Variants in ROPN1B observed in about 807,000 individuals in gnomAD.
The protein encoded by ROPN1B is ropporin-1B.
A neutral mutation model predicts 23.7 loss-of-function variants in ROPN1B; 13 were observed. The observed-to-expected ratio is 0.55, with a 90% CI of 0.36 to 0.87. ROPN1B has a LOEUF of 0.87. Among genes scored for constraint, ROPN1B ranks in the 40% least tolerant of loss-of-function variants. ROPN1B has a pLI of 0.01. For missense variants in ROPN1B, 183 were observed against 249.2 expected (o/e 0.73, Z 1.79); for synonymous variants, 67 against 100.4 (o/e 0.67, Z 1.99).
intron 5 of ROPN1B, among the ~76,000 whole-genome samples, chr3:125,978,477 G>T (rs1291003782): frequency 2.0e-5 from 3 of 152,098 alleles, no homozygotes; most frequent in Non-Finnish European, 4.4e-5. Context: ...ACAGCCTAAA[G>T]GTACATTTCC....
chr3:125,972,263 G>GTTGTCAT (rs756081764), intron 3 of ROPN1B, 93 bp downstream of exon 3: 3 of 1,166,912 alleles, frequency 2.6e-6, no homozygotes, highest in Non-Finnish European at 3.8e-6. Context: ...TGCAGCCAGG[G>GTTGTCAT]GGTCGGGACT....
chr3:125,972,315 G>T, intron 3 of ROPN1B, 145 bp downstream of exon 3: 4 of 727,190 alleles, frequency 5.5e-6, no homozygotes, highest in Non-Finnish European at 9.2e-6. Flanking sequence ...TTGCTTTGAT[G>T]CTTTAAAATC....
intron 1 of ROPN1B, among the ~76,000 whole-genome samples, chr3:125,970,836 G>A (rs1159545058): frequency 1.3e-5 from 2 of 152,110 alleles, no homozygotes; most frequent in African/African-American, 4.8e-5. Context: ...CTTGTCTTGG[G>A]ATTTCCGAGC....
At chr3:125,970,095 T>C (rs1469437183) in intron 1 of ROPN1B, 1 of 150,260 alleles carries the variant, frequency 6.7e-6, no homozygotes, top group Non-Finnish European at 1.5e-5. Flanking sequence ...TGACCAGTCC[T>C]GCCGTGGAGT....
chr3:125,982,710 C>T (rs1294057428), intron 6 of ROPN1B, among the ~76,000 whole-genome samples: 1 of 152,220 alleles, frequency 6.6e-6, no homozygotes, highest in African/African-American at 2.4e-5. Context: ...TCTCAGGCTA[C>T]ACCCTAGACC....
At chr3:125,982,816 A>C (rs368398049) in intron 6 of ROPN1B, among the ~76,000 whole-genome samples, 2 of 152,144 alleles carry the variant, frequency 1.3e-5, no homozygotes, top group East Asian at 3.9e-4. Flanking sequence ...TGACCAGTGG[A>C]ACAGAAGTGG....
At chr3:125,975,407 T>C in intron 3 of ROPN1B, 156 bp from the exon 4 acceptor site, 2 of 585,834 alleles carry the variant, frequency 3.4e-6, no homozygotes. Flanking sequence ...ACTTTTCCCA[T>C]ATGTAAGTGA....
chr3:125,982,418 G>C lies in ROPN1B; in HGVS notation c.545G>C (p.Arg182Thr). 6.2e-7 allele frequency: 1 copy of C among 1,606,612 alleles called. No individual in the cohort carries two copies. ...GAGATCTGTGCATCACATGTCAGCA[G>C]GATGCTAAACTACATTGAACAGGAA... ...DGEICASHVS[R>T]MLNYIEQEVI... is the part of the protein sequence containing the mutation. Residue 182 changes from arginine to threonine, a missense_variant, in exon 6 of 7, where the codon AGG becomes ACG. Arg to Thr is a moderately conservative substitution (Grantham distance 71). Transcript: ENST00000514116.
chr3:125,975,604 G>A lies in ROPN1B; in HGVS notation c.158G>A (p.Arg53Lys). The change falls in exon 4 of 7, where the codon AGA (arginine) becomes AAA (lysine). Residue 53 changes from arginine (R) to lysine (K), a missense_variant. Arg to Lys is a conservative substitution (Grantham distance 26, BLOSUM62 2). Coordinates refer to ENST00000514116, the MANE Select transcript of ROPN1B (RefSeq NM_001308313.2). ...ALSRGETPPV[R>K]ERSERVALCN... The stretch of plus-strand genomic sequence containing the variant: ...TCCCGTGGAGAGACGCCTCCGGTGA[G>A]AGAGCGGTCTGAGCGAGTCGCTTTG... 2.5e-6 allele frequency: 4 copies of A among 1,614,160 alleles called. No homozygotes were observed. Among genetic ancestry groups the A allele is most frequent in the Non-Finnish European group, 3.4e-6 (4 of 1,180,014 alleles).
intron 5 of ROPN1B, among the ~76,000 whole-genome samples, chr3:125,981,635 C>T (rs1382987636): frequency 6.6e-6 from 1 of 152,146 alleles, no homozygotes; most frequent in Non-Finnish European, 1.5e-5. Context: ...TGTAGTAACC[C>T]TTCTGTTAAA....
rs1454814207 is a variant in ROPN1B at position 125,978,167 on chromosome 3, C to T, written c.396+1002C>T. Among the ~76,000 whole-genome samples, 3 of 152,072 alleles carry T rather than the reference C, an allele frequency of 2.0e-5. No individual in the cohort carries two copies. The East Asian group carries it at 5.8e-4, about 29-fold the overall frequency. ...TCATTGTCCTTTATAGCATTTATTA[C>T]TGAATAAATCACTATCCTCTGAGGA... On this transcript the variant is annotated intron_variant, in intron 5 of 6. Transcript: ENST00000514116.
At chr3:125,974,671 T>C (rs1259396043) in intron 3 of ROPN1B, among the ~76,000 whole-genome samples, 1 of 152,230 alleles carries the variant, frequency 6.6e-6, no homozygotes, top group Non-Finnish European at 1.5e-5. Flanking sequence ...TTTCATCTTA[T>C]GCCAGTCCTG....
intron 1 of ROPN1B, 140 bp from the exon 2 acceptor site, chr3:125,970,977 C>T (rs893742020): frequency 2.0e-5 from 3 of 153,640 alleles, no homozygotes; most frequent in African/African-American, 7.2e-5. Flanking sequence ...AGCCTGTAGG[C>T]AGATATTTTC....
chr3:125,981,989 A>G (rs1224465945), intron 5 of ROPN1B, among the ~76,000 whole-genome samples: 2 of 152,220 alleles, frequency 1.3e-5, no homozygotes, highest in South Asian at 4.1e-4. Context: ...GGGTATTCAG[A>G]CTAAAGTAAC....
rs1938245413 is a variant in ROPN1B, at chr3:125,972,333, AAAT to A, written c.116+165_116+167del. Reference sequence around the variant, plus strand: ...CTTTGATGCTTTAAAATCCACACATAAATACTACATCTAGCCGGGCAAGGATGG... The same window carrying A: ...CTTTGATGCTTTAAAATCCACACATAACTACATCTAGCCGGGCAAGGATGG... On this transcript the variant is annotated intron_variant, in intron 3 of 6. Coordinates refer to ENST00000514116, the MANE Select transcript of ROPN1B (RefSeq NM_001308313.2). 6 of 673,886 alleles carry A rather than the reference AAAT, an allele frequency of 8.9e-6. No homozygotes were observed. The East Asian group carries it at 1.6e-4, about 18-fold the overall frequency. The allele number at this position is 673,886 out of a possible 1,614,324, so 41.7% of individuals were successfully genotyped here.
chr3:125,970,142 C>T (rs1404626961), intron 1 of ROPN1B: 2 of 150,444 alleles, frequency 1.3e-5, no homozygotes, highest in East Asian at 3.9e-4. Context: ...AAGAATCACA[C>T]TAAGGATAGG....
intron 6 of ROPN1B, 107 bp from the exon 7 acceptor site, chr3:125,983,147 A>C (rs1262250962): frequency 7.2e-6 from 6 of 834,280 alleles, no homozygotes; most frequent in Non-Finnish European, 1.0e-5. Context: ...AGTTAAGAGA[A>C]AAAGGAGCAA....
chr3:125,974,953 A>G (rs1273387113), intron 3 of ROPN1B, among the ~76,000 whole-genome samples: 1 of 152,080 alleles, frequency 6.6e-6, no homozygotes, highest in East Asian at 1.9e-4. Context: ...GATTCACCCC[A>G]GGATGCTTCC....
In ROPN1B at chr3:125,972,135, G is replaced by A; in HGVS notation, c.81G>A (p.Arg27=). The part of the protein sequence containing the change: ...MLKEFAKAAI[R]AQPQDLIQWG... ...AGGAGTTTGCCAAAGCCGCCATTCG[G>A]GCGCAGCCGCAGGACCTCATCCAGT... is the stretch of plus-strand genomic sequence containing the variant. The change falls in exon 3 of 7, where the codon CGG becomes CGA. Residue 27 remains arginine (R), a synonymous_variant. Transcript: ENST00000514116. 6.2e-7 allele frequency: 1 copy of A among 1,614,212 alleles called. No individual in the cohort carries two copies. Among genetic ancestry groups the A allele is most frequent in the Non-Finnish European group, 8.5e-7 (1 of 1,180,028 alleles).
Sources: gnomAD v4.1 joint callset for allele counts (sites outside exome capture counted in the v4.1 genomes callset) on GRCh38, gnomAD v4.1.1 for gene constraint, MANE v1.5 for transcripts, NCBI Gene and HGNC (gene_info 2026-07-23, HGNC 2026-07-21) for gene names.